Variants in SCAPER observed in about 807,000 individuals in gnomAD.
SCAPER encodes the protein S phase cyclin A-associated protein in the endoplasmic reticulum.
SCAPER carries 98 observed loss-of-function variants against 182.2 expected under a neutral mutation model. The ratio of observed to expected loss-of-function variants is 0.54; its 90% CI spans 0.46 to 0.64. The LOEUF (loss-of-function observed/expected upper bound fraction) is 0.64, where lower values mean the gene tolerates loss of function less well. Ranked by LOEUF, SCAPER falls within the 30% of genes least tolerant of loss-of-function variation. The pLI, the probability that SCAPER is intolerant of heterozygous loss-of-function variation, is 0.00. For synonymous variants in SCAPER, 605 were observed against 564.6 expected, an observed-to-expected ratio of 1.07 and a Z score of -1.01; for missense variants, 1,432 against 1,690.0, an observed-to-expected ratio of 0.85 and a Z score of 2.68.
At chr15:76,637,757 T>A (rs1000921685) in intron 21 of SCAPER, among the ~76,000 whole-genome samples, 2 of 107,128 alleles carry the variant, frequency 1.9e-5, no homozygotes, top group African/African-American at 9.6e-5. Context: ...TGTGTGTGTG[T>A]GTGTGTGTGT....
chr15:76,835,342 T>A (rs1284169311), intron 5 of SCAPER, among the ~76,000 whole-genome samples: 1 of 152,062 alleles, frequency 6.6e-6, no homozygotes, highest in African/African-American at 2.4e-5. Context: ...AAAAGTTAAT[T>A]CACCATGATC....
intron 22 of SCAPER, among the ~76,000 whole-genome samples, chr15:76,615,608 C>G (rs553161126): frequency 6.6e-6 from 1 of 151,460 alleles, no homozygotes; most frequent in African/African-American, 2.4e-5. Context: ...ATCACGAGGT[C>G]AGGAGATTGA....
rs959223570 is a variant in SCAPER, at chr15:76,772,034, T to C, written c.1036-80A>G. On this transcript the variant is annotated intron_variant, in intron 9 of 31. Coordinates refer to ENST00000563290, the MANE Select transcript of SCAPER (RefSeq NM_020843.4). ...CTTTAGAAGAAGAGATGATTTTGCTTAACCTATTAACTATGAAGAAGAAGA... is the reference window on the plus strand; with the variant it reads ...CTTTAGAAGAAGAGATGATTTTGCTCAACCTATTAACTATGAAGAAGAAGA... 25 of 984,848 alleles carry C rather than the reference T, an allele frequency of 2.5e-5. No homozygotes were observed. In the Middle Eastern group the frequency reaches 6.4e-4, roughly 25 times the overall value. The allele number at this position is 984,848 out of a possible 1,614,324, so 61.0% of individuals were successfully genotyped here. A position where few individuals can be genotyped will look rare whatever the true frequency, so the allele number is the denominator to read the frequency against.
chr15:76,579,879 T>C (rs528680719), intron 22 of SCAPER, among the ~76,000 whole-genome samples: 98 of 152,276 alleles, frequency 6.4e-4, no homozygotes, highest in African/African-American at 2.3e-3. Flanking sequence ...GCTATACTTA[T>C]GTCAGAAAAA....
chr15:76,550,050 C>T lies in SCAPER; in HGVS notation c.2838+24108G>A, dbSNP rs770242035. 7.2e-5 allele frequency among the ~76,000 whole-genome samples: 11 copies of T among 152,100 alleles called. No individual in the cohort carries two copies. In the East Asian group the frequency reaches 7.7e-4, roughly 11 times the overall value. ...GAATGAAAGAAAATAGATGCAAACG[C>T]GCTTTTGACATGGGGTTAATAACCA... On this transcript the variant is annotated intron_variant, in intron 23 of 31. Coordinates refer to ENST00000563290, the MANE Select transcript of SCAPER (RefSeq NM_020843.4).
chr15:76,626,445 G>C (rs1186935378), intron 21 of SCAPER, among the ~76,000 whole-genome samples: 2 of 152,200 alleles, frequency 1.3e-5, no homozygotes, highest in African/African-American at 4.8e-5. Context: ...AGCCACGTTC[G>C]GTGGCTCACG....
intron 2 of SCAPER, among the ~76,000 whole-genome samples, chr15:76,882,384 T>C (rs950811462): frequency 1.3e-5 from 2 of 151,544 alleles, no homozygotes; most frequent in African/African-American, 4.9e-5. Flanking sequence ...AGAGAGACTC[T>C]GTCTCCAGAA....
chr15:76,787,921 A>T (rs1053533563), intron 8 of SCAPER, among the ~76,000 whole-genome samples: 1 of 152,344 alleles, frequency 6.6e-6, no homozygotes, highest in Middle Eastern at 3.4e-3. Flanking sequence ...AAAAGGACAG[A>T]CTGGTAGAAA....
At chr15:76,456,318 C>G (rs1342506558) in intron 25 of SCAPER, among the ~76,000 whole-genome samples, 1 of 152,228 alleles carries the variant, frequency 6.6e-6, no homozygotes, top group Non-Finnish European at 1.5e-5. Context: ...TCTCCACATC[C>G]TTGCCAACAT....
intron 29 of SCAPER, among the ~76,000 whole-genome samples, chr15:76,372,388 C>T (rs1292717089): frequency 6.6e-6 from 1 of 152,130 alleles, no homozygotes; most frequent in Non-Finnish European, 1.5e-5. Context: ...ATCACTTTCC[C>T]ACCATGTCCA....
At position 76,407,727 on chromosome 15, in the gene SCAPER, G is replaced by A. The variant is rs371689096; in HGVS notation, c.3312-3048C>T. Among the ~76,000 whole-genome samples, 3 of 151,928 alleles carry A rather than the reference G, an allele frequency of 2.0e-5. No individual in the cohort carries two copies. The East Asian group carries it at 5.8e-4, about 29-fold the overall frequency. ...TTCTCCACATGATTGACATTATACC[G>A]AATTTCATTCAATGACTATTTAGGC... On this transcript the variant is annotated intron_variant, in intron 26 of 31. Coordinates refer to ENST00000563290, the MANE Select transcript of SCAPER (RefSeq NM_020843.4).
chr15:76,685,964 T>A (rs538889740), intron 20 of SCAPER, among the ~76,000 whole-genome samples: 2 of 152,044 alleles, frequency 1.3e-5, no homozygotes, highest in East Asian at 3.9e-4. Flanking sequence ...AAACAAAACT[T>A]CAAAACACTT....
chr15:76,792,872 T>A (rs2065088061), intron 8 of SCAPER, among the ~76,000 whole-genome samples: 1 of 152,238 alleles, frequency 6.6e-6, no homozygotes, highest in South Asian at 2.1e-4. Context: ...AATAAAATGG[T>A]AACTGTTTTA....
intron 8 of SCAPER, among the ~76,000 whole-genome samples, chr15:76,790,855 C>T (rs1200210475): frequency 6.6e-6 from 1 of 152,140 alleles, no homozygotes; most frequent in Admixed American, 6.5e-5. Context: ...TTGGGTTTAA[C>T]TTGCTTTTCT....
intron 23 of SCAPER, among the ~76,000 whole-genome samples, chr15:76,559,681 C>T (rs903444514): frequency 1.3e-5 from 2 of 152,080 alleles, no homozygotes; most frequent in African/African-American, 2.4e-5. Context: ...TAAGTGGGAG[C>T]TAAATATGAG....
intron 23 of SCAPER, among the ~76,000 whole-genome samples, chr15:76,572,583 A>G (rs1023590588): frequency 1.3e-5 from 2 of 152,312 alleles, no homozygotes; most frequent in Non-Finnish European, 2.9e-5. Context: ...TATGCCTGAG[A>G]ACCCCACAAT....
chr15:76,687,506 C>G (rs2058096006), intron 20 of SCAPER, among the ~76,000 whole-genome samples: 1 of 152,118 alleles, frequency 6.6e-6, no homozygotes, highest in Non-Finnish European at 1.5e-5. Flanking sequence ...GTTTGTTACA[C>G]AGGTATACAC....
At chr15:76,641,656 G>A (rs991432894) in intron 21 of SCAPER, among the ~76,000 whole-genome samples, 10 of 152,090 alleles carry the variant, frequency 6.6e-5, no homozygotes, top group African/African-American at 1.9e-4. Context: ...AAGATAAACA[G>A]GAACTTGGCT....
At chr15:76,357,173 C>CAG in intron 29 of SCAPER, among the ~76,000 whole-genome samples, 1 of 151,556 alleles carries the variant, frequency 6.6e-6, no homozygotes, top group Admixed American at 6.6e-5. Context: ...CACACACACA[C>CAG]ACACACACAC....
Sources: allele counts gnomAD v4.1 joint callset (sites outside exome capture counted in the v4.1 genomes callset), GRCh38; gene constraint gnomAD v4.1.1; transcripts MANE v1.5; gene names NCBI Gene and HGNC (gene_info 2026-07-23, HGNC 2026-07-21).